IL1RAPL1: variants seen among roughly 807,000 people sequenced by gnomAD.
The protein encoded by IL1RAPL1 is interleukin-1 receptor accessory protein-like 1.
IL1RAPL1 carries 3 observed loss-of-function variants against 48.4 expected under a neutral mutation model. The ratio of observed to expected loss-of-function variants is 0.06; its 90% CI spans 0.03 to 0.16. The LOEUF (loss-of-function observed/expected upper bound fraction) is 0.16, where lower values mean the gene tolerates loss of function less well. Among genes scored for constraint, IL1RAPL1 ranks in the 10% least tolerant of loss-of-function variants. IL1RAPL1 has a pLI of 1.00. For synonymous variants in IL1RAPL1, 185 were observed against 187.7 expected, an observed-to-expected ratio of 0.99 and a Z score of 0.12; for missense variants, 349 against 530.6, an observed-to-expected ratio of 0.66 and a Z score of 3.36.
intron 5 of IL1RAPL1, among the ~76,000 whole-genome samples, chrX:29,535,788 G>A (rs1921211964): frequency 8.9e-6 from 1 of 112,030 alleles, no homozygotes; most frequent in Non-Finnish European, 1.9e-5. Context: ...CTTAAACCAG[G>A]GGGAATTGAC....
intron 2 of IL1RAPL1, among the ~76,000 whole-genome samples, chrX:29,069,824 T>C (rs1450246819): frequency 8.9e-6 from 1 of 111,936 alleles, no homozygotes; most frequent in African/African-American, 3.2e-5. Context: ...TGTTCTCCTT[T>C]CCTGAATATT....
intron 6 of IL1RAPL1, among the ~76,000 whole-genome samples, chrX:29,887,762 A>G: frequency 9.0e-6 from 1 of 110,943 alleles, no homozygotes; most frequent in Non-Finnish European, 1.9e-5. Flanking sequence ...TTTTCAGGCT[A>G]TTGGTAGATA....
chrX:28,757,743 C>T (rs1463357059), intron 1 of IL1RAPL1, among the ~76,000 whole-genome samples: 2 of 112,029 alleles, frequency 1.8e-5, no homozygotes, highest in Admixed American at 1.9e-4. Flanking sequence ...CTCTCATTAG[C>T]CAAGAAAACT....
intron 5 of IL1RAPL1, among the ~76,000 whole-genome samples, chrX:29,477,608 TA>T (rs778216522): frequency 8.9e-6 from 1 of 112,198 alleles, no homozygotes; most frequent in Non-Finnish European, 1.9e-5. Flanking sequence ...CTCTTTTAAG[TA>T]CTTTATATAT....
chrX:29,410,145 C>T (rs900945008), intron 5 of IL1RAPL1, among the ~76,000 whole-genome samples: 40 of 110,098 alleles, frequency 3.6e-4, no homozygotes, highest in African/African-American at 1.1e-3. Context: ...TCCACATAAC[C>T]TCAACTTACT....
chrX:28,783,532 GA>G (rs1287014385), intron 1 of IL1RAPL1, among the ~76,000 whole-genome samples: 2 of 111,075 alleles, frequency 1.8e-5, no homozygotes, highest in Non-Finnish European at 3.8e-5. Context: ...AATTCCCACA[GA>G]GTTTTGTCAG....
At chrX:28,609,787 T>C (rs1425578211) in intron 1 of IL1RAPL1, among the ~76,000 whole-genome samples, 1 of 110,593 alleles carries the variant, frequency 9.0e-6, no homozygotes, top group African/African-American at 3.3e-5. Flanking sequence ...TCTGGTAGAA[T>C]GTGTTATCCA....
chrX:28,704,296 G>T (rs1935337528), intron 1 of IL1RAPL1, among the ~76,000 whole-genome samples: 2 of 108,511 alleles, frequency 1.8e-5, no homozygotes, highest in African/African-American at 3.4e-5. Flanking sequence ...TCCAACCTTA[G>T]GGAATCATAG....
chrX:28,667,104 A>G (rs898429318), intron 1 of IL1RAPL1, among the ~76,000 whole-genome samples: 1 of 111,851 alleles, frequency 8.9e-6, no homozygotes, highest in Non-Finnish European at 1.9e-5. Context: ...AGATGTGTAC[A>G]TATTTTCAGG....
intron 5 of IL1RAPL1, among the ~76,000 whole-genome samples, chrX:29,638,383 G>A (rs1411240766): frequency 9.2e-6 from 1 of 108,529 alleles, no homozygotes; most frequent in Admixed American, 1.0e-4. Context: ...CGATTCTCCT[G>A]CCTCAGCAAT....
chrX:29,130,147 G>A lies in IL1RAPL1; in HGVS notation c.83-152791G>A, dbSNP rs182573956. Among the ~76,000 whole-genome samples, 13 of 111,779 alleles carry A rather than the reference G, an allele frequency of 1.2e-4. No individual in the cohort carries two copies. The East Asian group carries it at 3.1e-3, about 27-fold the overall frequency. On this transcript the variant is annotated intron_variant, in intron 2 of 10. Coordinates refer to ENST00000378993, the MANE Select transcript of IL1RAPL1 (RefSeq NM_014271.4). ...CACTACCTTTTCTACAAGCTCTTGT[G>A]TTTACAAGCATAAGAGAAAAACAAT...
At chrX:28,985,828 T>G (rs1177696565) in intron 2 of IL1RAPL1, among the ~76,000 whole-genome samples, 1 of 109,113 alleles carries the variant, frequency 9.2e-6, no homozygotes, top group Non-Finnish European at 1.9e-5. Flanking sequence ...CCCGGCTAAT[T>G]TTTTGTATTT....
chrX:29,225,265 A>AT (rs1931055649), intron 2 of IL1RAPL1, among the ~76,000 whole-genome samples: 1 of 112,511 alleles, frequency 8.9e-6, no homozygotes, highest in African/African-American at 3.2e-5. Flanking sequence ...TCATTAAACT[A>AT]GCTGGTGCTT....
chrX:29,791,551 G>A (rs1187065036), intron 6 of IL1RAPL1, among the ~76,000 whole-genome samples: 1 of 105,422 alleles, frequency 9.5e-6, no homozygotes, highest in African/African-American at 3.5e-5. Context: ...GCCTCCCGAG[G>A]AGCTGGGATT....
intron 5 of IL1RAPL1, among the ~76,000 whole-genome samples, chrX:29,530,539 T>C (rs1199007524): frequency 8.9e-6 from 1 of 111,895 alleles, no homozygotes; most frequent in Non-Finnish European, 1.9e-5. Flanking sequence ...CCCCCATCGG[T>C]CATTGACTGA....
chrX:29,058,118 A>C (rs950812445), intron 2 of IL1RAPL1, among the ~76,000 whole-genome samples: 1 of 111,067 alleles, frequency 9.0e-6, no homozygotes, highest in Non-Finnish European at 1.9e-5. Context: ...GCTCACGCTT[A>C]TAATCCCAGC....
At chrX:29,846,073 G>A (rs184111166) in intron 6 of IL1RAPL1, among the ~76,000 whole-genome samples, 2 of 111,191 alleles carry the variant, frequency 1.8e-5, no homozygotes, top group South Asian at 3.9e-4. Flanking sequence ...GGGCAGGGAC[G>A]CACATCCAAA....
chrX:29,737,777 A>G (rs2147133556), intron 6 of IL1RAPL1, among the ~76,000 whole-genome samples: 1 of 112,702 alleles, frequency 8.9e-6, no homozygotes, highest in South Asian at 3.7e-4. Flanking sequence ...GCTAGCACAC[A>G]GTGAGTTAAT....
intron 5 of IL1RAPL1, among the ~76,000 whole-genome samples, chrX:29,638,058 A>G (rs1925030605): frequency 9.0e-6 from 1 of 111,707 alleles, no homozygotes; most frequent in Admixed American, 9.5e-5. Context: ...TACACCAGAC[A>G]ATCTAATTGC....
Sources: gnomAD v4.1 joint callset for allele counts (sites outside exome capture counted in the v4.1 genomes callset) on GRCh38, gnomAD v4.1.1 for gene constraint, MANE v1.5 for transcripts, NCBI Gene and HGNC (gene_info 2026-07-23, HGNC 2026-07-21) for gene names.